The following COL10A1 variants were observed in gnomAD, a reference collection of about 807,000 sequenced individuals.
The protein encoded by COL10A1 is collagen type X alpha 1 chain, also known as collagen alpha-1(X) chain.
COL10A1 carries 10 observed loss-of-function variants against 18.2 expected under a neutral mutation model. The ratio of observed to expected loss-of-function variants is 0.55; its 90% CI spans 0.34 to 0.93. The LOEUF (loss-of-function observed/expected upper bound fraction) is 0.93. COL10A1 is among the 40% of genes least tolerant of loss of function. COL10A1 has a pLI of 0.02. For synonymous variants in COL10A1, 330 were observed against 316.6 expected (o/e 1.04, Z -0.45); for missense variants, 897 against 853.5 (o/e 1.05, Z -0.64).
In COL10A1 at chr6:116,125,390, G is replaced by A. The variant is rs768980930; in HGVS notation, c.103C>T (p.Leu35=). The change falls in exon 2 of 3, where the codon CTA becomes TTA. Residue 35 remains leucine, a synonymous_variant. Transcript: ENST00000651968. ...AAGAACTGTGTCTTGGTGTTGGGTA[G>A]TGGGCCTTTTATGCCTGTGGGCATT... ...YQMPTGIKGP[L]PNTKTQFFIP... 2 of 1,613,736 alleles carry A rather than the reference G, an allele frequency of 1.2e-6. No individual in the cohort carries two copies. The highest frequency in any genetic ancestry group is 2.2e-5 in the East Asian group (1 of 44,826).
chr6:116,210,227 T>G, the COL10A1 span, among the ~76,000 whole-genome samples: 1 of 152,024 alleles, frequency 6.6e-6, no homozygotes, highest in Non-Finnish European at 1.5e-5. Context: ...CTTTCCACAT[T>G]GCAAGATTTT....
rs144600120 is a variant in COL10A1 at position 116,148,213 on chromosome 6, T to G, written c.-16+10401A>C. ...CATCTTGAGAGGCAAATTGAGTAAG[T>G]TGGGGACAGGGGTGGGAGGGAGAAT... On this transcript the variant is annotated intron_variant, in intron 1 of 1. Coordinates refer to the COL10A1 transcript ENST00000418500. 1.5e-4 allele frequency among the ~76,000 whole-genome samples: 23 copies of G among 152,206 alleles called. No homozygotes were observed. In the East Asian group the frequency reaches 4.2e-3, roughly 28 times the overall value.
chr6:116,177,500 A>C, the COL10A1 span, among the ~76,000 whole-genome samples: 1 of 152,152 alleles, frequency 6.6e-6, no homozygotes, highest in Non-Finnish European at 1.5e-5. Flanking sequence ...TAAATTTTCT[A>C]CTTAAATGTA....
upstream of COL10A1, among the ~76,000 whole-genome samples, chr6:116,162,468 T>G (rs558490797): frequency 1.4e-4 from 22 of 152,332 alleles, no homozygotes; most frequent in Middle Eastern, 3.4e-3. Flanking sequence ...CTAGTTTATT[T>G]ATAATTTTTA....
At chr6:116,201,359 T>A in the COL10A1 span, among the ~76,000 whole-genome samples, 1 of 152,050 alleles carries the variant, frequency 6.6e-6, no homozygotes, top group South Asian at 2.1e-4. Context: ...CATATTGCAC[T>A]GTATAAAGGT....
the COL10A1 span, among the ~76,000 whole-genome samples, chr6:116,207,981 A>G: frequency 6.6e-6 from 1 of 151,980 alleles, no homozygotes; most frequent in Non-Finnish European, 1.5e-5. Context: ...GCTACCTACT[A>G]CAGAAGAAAA....
At chr6:116,205,509 G>A in the COL10A1 span, among the ~76,000 whole-genome samples, 1 of 151,868 alleles carries the variant, frequency 6.6e-6, no homozygotes, top group African/African-American at 2.4e-5. Context: ...TCCCTCTGGA[G>A]CCCCACAGTC....
At chr6:116,199,529 C>T in the COL10A1 span, among the ~76,000 whole-genome samples, 3 of 152,098 alleles carry the variant, frequency 2.0e-5, no homozygotes, top group African/African-American at 7.2e-5. Flanking sequence ...AGTCACCTAG[C>T]ACTCAGATCT....
chr6:116,181,900 G>A, the COL10A1 span, among the ~76,000 whole-genome samples: 1 of 151,884 alleles, frequency 6.6e-6, no homozygotes. Context: ...TAGGTTTTTG[G>A]GAAACAGTTG....
chr6:116,150,699 T>G (rs1042737976), intron 1 of COL10A1, among the ~76,000 whole-genome samples: 3 of 152,218 alleles, frequency 2.0e-5, no homozygotes, highest in Admixed American at 1.3e-4. Context: ...TCTAGCAGTA[T>G]TTTTGTAAGC....
At chr6:116,152,615 C>G (rs998022352) in intron 1 of COL10A1, among the ~76,000 whole-genome samples, 5 of 152,092 alleles carry the variant, frequency 3.3e-5, no homozygotes, top group Admixed American at 6.6e-5. Flanking sequence ...CTTTATTTAA[C>G]CCCTTAACAT....
chr6:116,206,443 T>G, the COL10A1 span, among the ~76,000 whole-genome samples: 1 of 151,978 alleles, frequency 6.6e-6, no homozygotes, highest in Non-Finnish European at 1.5e-5. Flanking sequence ...ATTGCACAAC[T>G]AAGACTTGAC....
At chr6:116,166,875 GA>G in the COL10A1 span, among the ~76,000 whole-genome samples, 2 of 152,154 alleles carry the variant, frequency 1.3e-5, no homozygotes, top group Non-Finnish European at 2.9e-5. Flanking sequence ...ATCTGACCTT[GA>G]AATGAGAATA....
At chr6:116,204,153 G>A in the COL10A1 span, among the ~76,000 whole-genome samples, 17 of 151,902 alleles carry the variant, frequency 1.1e-4, no homozygotes, top group Non-Finnish European at 2.5e-4. Context: ...GAAGGCTTTT[G>A]GTGGGGTAAG....
chr6:116,126,799 G>C (rs148556235), upstream of COL10A1, among the ~76,000 whole-genome samples: 1 of 151,996 alleles, frequency 6.6e-6, no homozygotes, highest in Admixed American at 6.6e-5. Flanking sequence ...ATTTACATAA[G>C]ATTGCTGTGT....
chr6:116,130,395 A>T (rs992220690), upstream of COL10A1, among the ~76,000 whole-genome samples: 1 of 152,092 alleles, frequency 6.6e-6, no homozygotes, highest in Non-Finnish European at 1.5e-5. Flanking sequence ...TTGGCCAGTG[A>T]GAGCCTCTCC....
chr6:116,193,859 C>T, the COL10A1 span, among the ~76,000 whole-genome samples: 1 of 151,830 alleles, frequency 6.6e-6, no homozygotes, highest in African/African-American at 2.4e-5. Context: ...TCACTTGAGC[C>T]CAGTTGTTCG....
chr6:116,181,682 G>C, the COL10A1 span, among the ~76,000 whole-genome samples: 1 of 151,824 alleles, frequency 6.6e-6, no homozygotes, highest in Non-Finnish European at 1.5e-5. Context: ...CAAGTACCTA[G>C]GGATAAATTA....
chr6:116,147,543 G>T (rs1387247180), intron 1 of COL10A1, among the ~76,000 whole-genome samples: 2 of 152,026 alleles, frequency 1.3e-5, no homozygotes, highest in African/African-American at 2.4e-5. Flanking sequence ...GTTATAAAAA[G>T]TTCATTTTAA....
Sources: gnomAD v4.1 joint callset for allele counts (sites outside exome capture counted in the v4.1 genomes callset) on GRCh38, gnomAD v4.1.1 for gene constraint, MANE v1.5 for transcripts, NCBI Gene and HGNC (gene_info 2026-07-23, HGNC 2026-07-21) for gene names.